GOLM2: variants seen among roughly 807,000 people sequenced by gnomAD.
GOLM2 encodes golgi membrane protein 2, also known as protein GOLM2.
Under a neutral mutation model 55.9 loss-of-function variants are expected in GOLM2, and 26 were observed. The ratio of observed to expected loss-of-function variants is 0.47; its 90% CI spans 0.34 to 0.65. The LOEUF is 0.65. Among genes scored for constraint, GOLM2 ranks in the 30% least tolerant of loss-of-function variants. The pLI is 0.01. For missense variants in GOLM2, 486 were observed against 531.8 expected, an observed-to-expected ratio of 0.91 and a Z score of 0.85; for synonymous variants, 165 against 194.6, an observed-to-expected ratio of 0.85 and a Z score of 1.27.
intron 6 of GOLM2, among the ~76,000 whole-genome samples, chr15:44,349,259 C>CA (rs144376603): frequency 0.1 from 6,514 of 63,100 alleles, 197 homozygotes; most frequent in Middle Eastern, 0.17. Context: ...AACTCCGTCT[C>CA]AAAAAAAAAA....
intron 6 of GOLM2, among the ~76,000 whole-genome samples, chr15:44,376,304 C>G (rs995900767): frequency 1.3e-5 from 2 of 152,080 alleles, no homozygotes; most frequent in African/African-American, 4.8e-5. Context: ...GACAGTGTTT[C>G]CCTCTGTCAC....
At chr15:44,366,338 G>T (rs557597884) in intron 6 of GOLM2, among the ~76,000 whole-genome samples, 1 of 150,382 alleles carries the variant, frequency 6.6e-6, no homozygotes, top group Admixed American at 6.6e-5. Context: ...CCACAAAACT[G>T]CTCTAAGTCT....
At chr15:44,346,964 GA>G (rs375196688) in intron 6 of GOLM2, among the ~76,000 whole-genome samples, 39 of 145,252 alleles carry the variant, frequency 2.7e-4, no homozygotes, top group Middle Eastern at 3.5e-3. Flanking sequence ...CATATCTTAG[GA>G]AAAAAAAAAA....
chr15:44,405,027 T>A (rs2079588814), intron 9 of GOLM2, among the ~76,000 whole-genome samples: 2 of 152,232 alleles, frequency 1.3e-5, no homozygotes, highest in African/African-American at 2.4e-5. Context: ...TTAAAGGTGA[T>A]AATTGTCAGA....
intron 3 of GOLM2, among the ~76,000 whole-genome samples, chr15:44,329,645 C>T (rs1448355401): frequency 6.6e-6 from 1 of 152,120 alleles, no homozygotes; most frequent in East Asian, 1.9e-4. Flanking sequence ...CACCTGTAAT[C>T]CTAACACTTT....
chr15:44,405,150 C>T (rs961002924), intron 9 of GOLM2, among the ~76,000 whole-genome samples: 4 of 152,176 alleles, frequency 2.6e-5, no homozygotes, highest in Non-Finnish European at 4.4e-5. Context: ...CTGGTTCTTA[C>T]TGCCACCTTC....
In GOLM2 at chr15:44,415,474, CT is replaced by C. The variant is rs1222580294; in HGVS notation, c.*2070del. On this transcript the variant is annotated 3_prime_UTR_variant, in exon 10 of 10. Transcript: ENST00000299957. ...AGCTATTACTTATACAGCAACATTT[CT>C]TCAATTAGCAGTCTAGACATTTTAT... The C allele has an allele frequency of 2.0e-5, 3 of 152,590 alleles. No homozygotes were observed. The highest frequency in any genetic ancestry group is 4.4e-5 in the Non-Finnish European group (3 of 68,014). 9.5% of individuals were successfully genotyped at this position (152,590 alleles called of 1,614,324 possible).
intron 9 of GOLM2, chr15:44,409,691 G>A (rs958173031): frequency 5.5e-5 from 8 of 145,114 alleles, no homozygotes; most frequent in Admixed American, 2.8e-4. Flanking sequence ...GGTGTATCAC[G>A]AGGTCAGGAG....
Position 44,389,267 on chromosome 15 carries a change from C to T in GOLM2, c.1072+8291C>T, listed in dbSNP as rs560715051. ...CATTGTGGCCGGGCACAGTGGCACACGCCTGTAATCCCAGCACTTTTGGAG... is the reference window on the plus strand; with the variant it reads ...CATTGTGGCCGGGCACAGTGGCACATGCCTGTAATCCCAGCACTTTTGGAG... On this transcript the variant is annotated intron_variant, in intron 8 of 9. Transcript: ENST00000299957. Among the ~76,000 whole-genome samples the T allele has an allele frequency of 7.9e-5, 12 of 152,210 alleles. No homozygotes were observed. The East Asian group carries it at 1.4e-3, about 17-fold the overall frequency.
At chr15:44,378,893 G>C (rs1450142467) in intron 6 of GOLM2, among the ~76,000 whole-genome samples, 3 of 151,222 alleles carry the variant, frequency 2.0e-5, no homozygotes, top group African/African-American at 7.3e-5. Context: ...TTATAGACAC[G>C]CACCACCACG....
At chr15:44,294,885 C>G (rs1007313182) in intron 1 of GOLM2, among the ~76,000 whole-genome samples, 1 of 150,572 alleles carries the variant, frequency 6.6e-6, no homozygotes, top group Non-Finnish European at 1.5e-5. Context: ...CAGAGTAAGA[C>G]TCTGTCTCAC....
intron 1 of GOLM2, among the ~76,000 whole-genome samples, chr15:44,300,754 G>A (rs146540499): frequency 1.2e-4 from 19 of 152,318 alleles, no homozygotes; most frequent in African/African-American, 4.3e-4. Context: ...TTCCTCAAAA[G>A]AGAGTTAAAG....
intron 1 of GOLM2, among the ~76,000 whole-genome samples, chr15:44,310,876 G>A (rs1372210618): frequency 6.6e-6 from 1 of 152,052 alleles, no homozygotes; most frequent in East Asian, 1.9e-4. Flanking sequence ...AATTAGCTGG[G>A]CATGGTGGCA....
intron 2 of GOLM2, among the ~76,000 whole-genome samples, chr15:44,324,155 G>A (rs1246714692): frequency 1.3e-5 from 2 of 152,128 alleles, no homozygotes; most frequent in African/African-American, 4.8e-5. Flanking sequence ...CTTATTAAAT[G>A]TTAAGAAATA....
intron 9 of GOLM2, chr15:44,409,683 T>G (rs1595671962): frequency 7.5e-6 from 1 of 132,544 alleles, no homozygotes; most frequent in Non-Finnish European, 1.6e-5. Context: ...CCGAGCCAGG[T>G]GTATCACGAG....
At chr15:44,351,591 A>C (rs1247375755) in intron 6 of GOLM2, among the ~76,000 whole-genome samples, 1 of 149,942 alleles carries the variant, frequency 6.7e-6, no homozygotes, top group African/African-American at 2.5e-5. Context: ...AAAAAAAAAA[A>C]AAAAAAACAC....
At chr15:44,382,527 G>A (rs1159350873) in intron 8 of GOLM2, among the ~76,000 whole-genome samples, 4 of 151,674 alleles carry the variant, frequency 2.6e-5, no homozygotes, top group Admixed American at 6.6e-5. Flanking sequence ...GGGTTTCACC[G>A]TGTTGGCCAG....
intron 1 of GOLM2, among the ~76,000 whole-genome samples, chr15:44,299,926 C>CAAAAA (rs1009141482): frequency 3.5e-4 from 4 of 11,536 alleles, no homozygotes; most frequent in Non-Finnish European, 7.6e-4. Flanking sequence ...GGCAACATAG[C>CAAAAA]AAAAAAAAAA....
At chr15:44,321,484 A>C (rs557597986) in intron 1 of GOLM2, among the ~76,000 whole-genome samples, 12 of 70,038 alleles carry the variant, frequency 1.7e-4, no homozygotes, top group African/African-American at 5.2e-4. Flanking sequence ...AAAAAAAAAA[A>C]GGGGGGGTGG....
Sources: gnomAD v4.1 joint callset for allele counts (sites outside exome capture counted in the v4.1 genomes callset) on GRCh38, gnomAD v4.1.1 for gene constraint, MANE v1.5 for transcripts, NCBI Gene and HGNC (gene_info 2026-07-23, HGNC 2026-07-21) for gene names.